The following SV2C variants were observed in gnomAD, a reference collection of about 807,000 sequenced individuals.
SV2C encodes the protein solute carrier family 22 member B3.
A neutral mutation model predicts 79.7 loss-of-function variants in SV2C; 49 were observed. That is an observed-to-expected ratio of 0.61 (90% CI 0.49 to 0.78). The LOEUF (loss-of-function observed/expected upper bound fraction) is 0.78. Among genes scored for constraint, SV2C ranks in the 30% least tolerant of loss-of-function variants. SV2C has a pLI of 0.00. For synonymous variants in SV2C, 334 were observed against 333.2 expected (o/e 1.00, Z -0.03); for missense variants, 833 against 912.9 (o/e 0.91, Z 1.13).
At chr5:76,093,358 G>A (rs1747442000) in intron 1 of SV2C, among the ~76,000 whole-genome samples, 1 of 152,106 alleles carries the variant, frequency 6.6e-6, no homozygotes. Flanking sequence ...GTGGACATGC[G>A]AGTGGTGTGA....
At chr5:76,170,381 T>C (rs1247639915) in intron 2 of SV2C, among the ~76,000 whole-genome samples, 1 of 118,330 alleles carries the variant, frequency 8.5e-6, no homozygotes, top group African/African-American at 3.3e-5. Context: ...ACGTTACACA[T>C]GTGAAACAAT....
the SV2C span, among the ~76,000 whole-genome samples, chr5:75,880,188 CT>C: frequency 0.11 from 16,625 of 146,616 alleles, 1,021 homozygotes; most frequent in African/African-American, 0.17. Context: ...CCTTCAATGC[CT>C]TTTTTTTTTT....
At chr5:76,145,635 G>T (rs757090958) in intron 2 of SV2C, among the ~76,000 whole-genome samples, 3 of 152,152 alleles carry the variant, frequency 2.0e-5, no homozygotes, top group Admixed American at 6.5e-5. Flanking sequence ...ACATGGCATG[G>T]CACCAAAGAG....
intron 2 of SV2C, among the ~76,000 whole-genome samples, chr5:76,165,233 T>C (rs1247688152): frequency 1.3e-5 from 2 of 152,190 alleles, no homozygotes; most frequent in Non-Finnish European, 2.9e-5. Flanking sequence ...CTTCCCCCAA[T>C]GATAATATCT....
the SV2C span, among the ~76,000 whole-genome samples, chr5:75,923,182 T>G: frequency 4.6e-5 from 7 of 152,154 alleles, no homozygotes; most frequent in African/African-American, 1.7e-4. Context: ...ACACCCTATT[T>G]AATAAATGGT....
chr5:76,088,188 C>A (rs1747259919), intron 1 of SV2C, among the ~76,000 whole-genome samples: 2 of 152,114 alleles, frequency 1.3e-5, no homozygotes, highest in Admixed American at 6.5e-5. Flanking sequence ...AGCCTCTAAG[C>A]CTCTGTTATG....
chr5:76,033,103 T>C, the SV2C span, among the ~76,000 whole-genome samples: 806 of 152,308 alleles, frequency 5.3e-3, 6 homozygotes, highest in African/African-American at 0.018. Context: ...TGTTTGTTTT[T>C]TTCTTGTAAA....
At chr5:75,986,842 G>A in the SV2C span, among the ~76,000 whole-genome samples, 15 of 152,080 alleles carry the variant, frequency 9.9e-5, no homozygotes, top group Non-Finnish European at 1.8e-4. Context: ...AAGAGCCTTC[G>A]CAGATAGAGA....
At chr5:76,218,033 C>T (rs998385515) in intron 4 of SV2C, among the ~76,000 whole-genome samples, 4 of 152,188 alleles carry the variant, frequency 2.6e-5, no homozygotes, top group African/African-American at 7.2e-5. Flanking sequence ...CAAGCTCTAT[C>T]GCAGCACCAA....
At chr5:76,282,741 G>A (rs1350064475) in intron 4 of SV2C, among the ~76,000 whole-genome samples, 1 of 152,146 alleles carries the variant, frequency 6.6e-6, no homozygotes, top group African/African-American at 2.4e-5. Context: ...TAGGCACAGT[G>A]GCTCACACTT....
chr5:76,170,494 C>A (rs1743188689), intron 2 of SV2C, among the ~76,000 whole-genome samples: 1 of 121,212 alleles, frequency 8.3e-6, no homozygotes, highest in Non-Finnish European at 1.7e-5. Context: ...CTGCAGAAGC[C>A]TGAAAATGAT....
the SV2C span, chr5:75,921,768 C>T: frequency 3.2e-3 from 1,118 of 346,394 alleles, 24 homozygotes; most frequent in East Asian, 0.035. Flanking sequence ...TGGTATCTAC[C>T]AAGCTCGTGC....
the SV2C span, among the ~76,000 whole-genome samples, chr5:76,038,967 T>C: frequency 6.6e-6 from 1 of 152,202 alleles, no homozygotes; most frequent in East Asian, 1.9e-4. Flanking sequence ...AACAGCACAA[T>C]ATGACATACA....
chr5:76,030,289 T>TTTTTTTTTTTA, the SV2C span, among the ~76,000 whole-genome samples: 87 of 117,876 alleles, frequency 7.4e-4, no homozygotes, highest in Non-Finnish European at 9.7e-4. Flanking sequence ...TTTTTTTTTT[T>TTTTTTTTTTTA]TTTATTTATT....
the SV2C span, among the ~76,000 whole-genome samples, chr5:75,874,305 AC>A: frequency 6.6e-6 from 1 of 152,142 alleles, no homozygotes; most frequent in African/African-American, 2.4e-5. Context: ...GACAAAAAAA[AC>A]ACATGATTAT....
Position 76,295,836 on chromosome 5 carries a change from TA to T in SV2C, c.1397del (p.Tyr466LeufsTer4), listed in dbSNP as rs1469807329. On this transcript the variant is annotated frameshift_variant, in exon 9 of 13. Coordinates refer to ENST00000502798, the MANE Select transcript of SV2C (RefSeq NM_014979.4). LOFTEE classifies it high-confidence loss of function. Reference protein sequence around the residue: ...DVIKPLQSDEYALLTRNVERD... With the variant: ...DVIKPLQSDEXALLTRNVERD... ...CATTAAACCTCTGCAGTCCGATGAA[TA>T]TGCATTGCTAACCAGAAATGTGGAG... The T allele has an allele frequency of 6.2e-7, 1 of 1,613,498 alleles. No homozygotes were observed. Among genetic ancestry groups the T allele is most frequent in the Non-Finnish European group, 8.5e-7 (1 of 1,179,816 alleles).
rs536702710 is a variant in SV2C at position 76,209,694 on chromosome 5, G to A, written c.762-42G>A. The A allele has an allele frequency of 1.2e-5, 19 of 1,599,038 alleles. No homozygotes were observed. The South Asian group carries it at 2.1e-4, about 18-fold the overall frequency. On this transcript the variant is annotated intron_variant, in intron 3 of 12. Transcript: ENST00000502798. Reference sequence around the variant, plus strand: ...CTGCCCTTTGCGTCTCACATGAGCTGTCCACACCCTGATTTCATGTATTCT... The same window carrying A: ...CTGCCCTTTGCGTCTCACATGAGCTATCCACACCCTGATTTCATGTATTCT...
the SV2C span, among the ~76,000 whole-genome samples, chr5:76,058,015 G>C: frequency 2.2e-3 from 328 of 152,192 alleles, 2 homozygotes; most frequent in African/African-American, 7.7e-3. Flanking sequence ...CTTTTTAAAG[G>C]TGTGGTTAAA....
chr5:76,159,129 C>A (rs1476887900), intron 2 of SV2C, among the ~76,000 whole-genome samples: 3 of 151,824 alleles, frequency 2.0e-5, no homozygotes, highest in African/African-American at 7.2e-5. Context: ...TAGGAAACAT[C>A]CTCAGTCTGA....
Sources: gnomAD v4.1 joint callset for allele counts (sites outside exome capture counted in the v4.1 genomes callset) on GRCh38, gnomAD v4.1.1 for gene constraint, MANE v1.5 for transcripts, NCBI Gene and HGNC (gene_info 2026-07-23, HGNC 2026-07-21) for gene names.